Variants in ST13 observed in about 807,000 individuals in gnomAD.
ST13 encodes the protein ST13 Hsp70 interacting protein, also known as hsc70-interacting protein.
Under a neutral mutation model 56.7 loss-of-function variants are expected in ST13, and 23 were observed. The ratio of observed to expected loss-of-function variants is 0.41; its 90% CI spans 0.29 to 0.57. The LOEUF (loss-of-function observed/expected upper bound fraction) is 0.57, where lower values mean the gene tolerates loss of function less well. Ranked by LOEUF, ST13 falls within the 20% of genes least tolerant of loss-of-function variation. The pLI, the probability that ST13 is intolerant of heterozygous loss-of-function variation, is 0.36. For synonymous variants in ST13, 132 were observed against 142.4 expected, an observed-to-expected ratio of 0.93 and a Z score of 0.52; for missense variants, 369 against 459.9, an observed-to-expected ratio of 0.80 and a Z score of 1.81.
At chr22:40,829,473 A>T (rs1249356320) in intron 10 of ST13, among the ~76,000 whole-genome samples, 153 bp downstream of exon 10, 1 of 152,228 alleles carries the variant, frequency 6.6e-6, no homozygotes, top group Non-Finnish European at 1.5e-5. Context: ...TTTATGCCTA[A>T]TAATTCCATC....
At chr22:40,839,635 C>T (rs5758104) in intron 5 of ST13, among the ~76,000 whole-genome samples, 9,270 of 151,828 alleles carry the variant, frequency 0.061, 379 homozygotes, top group East Asian at 0.2. Flanking sequence ...GATGGTAGCA[C>T]ACGCCTGTAA....
chr22:40,840,518 C>G (rs1299166809), intron 5 of ST13, 108 bp downstream of exon 5: 8 of 906,538 alleles, frequency 8.8e-6, no homozygotes, highest in South Asian at 7.7e-5. Context: ...ACACTATCTT[C>G]TCCAGTATAG....
chr22:40,846,185 C>G (rs904536170), intron 3 of ST13, among the ~76,000 whole-genome samples: 2 of 152,198 alleles, frequency 1.3e-5, no homozygotes, highest in Admixed American at 1.3e-4. Flanking sequence ...GTCCACCCGC[C>G]TCAGCCTCCC....
In ST13 at chr22:40,829,592, G is replaced by C. The variant is rs1400770051; in HGVS notation, c.847+34C>G. 6.6e-6 allele frequency: 8 copies of C among 1,209,966 alleles called. No homozygotes were observed. The South Asian group carries it at 8.7e-5, about 13-fold the overall frequency. The allele number at this position is 1,209,966 out of a possible 1,614,324, so 75.0% of individuals were successfully genotyped here. A position where few individuals can be genotyped will look rare whatever the true frequency, so the allele number is the denominator to read the frequency against. On this transcript the variant is annotated intron_variant, in intron 10 of 11. Coordinates refer to ENST00000216218, the MANE Select transcript of ST13 (RefSeq NM_003932.5). ...TATATTAAAATATCACTGTATAATAGAACAAAACAGTTTTAACTTTTCTTT... is the reference window on the plus strand; with the variant it reads ...TATATTAAAATATCACTGTATAATACAACAAAACAGTTTTAACTTTTCTTT...
At chr22:40,850,227 AGACCTGGGT>A (rs2057854466) in intron 2 of ST13, among the ~76,000 whole-genome samples, 1 of 152,364 alleles carries the variant, frequency 6.6e-6, no homozygotes, top group African/African-American at 2.4e-5. Flanking sequence ...CAGTGCACTC[AGACCTGGGT>A]GACACAGTGA....
chr22:40,829,744 G>T, intron 9 of ST13, 70 bp from the exon 10 acceptor site: 1 of 786,978 alleles, frequency 1.3e-6, no homozygotes. Flanking sequence ...ACCTGTCCAT[G>T]CAAGACCATG....
chr22:40,852,592 G>A (rs998485952), intron 1 of ST13, among the ~76,000 whole-genome samples: 3 of 152,166 alleles, frequency 2.0e-5, no homozygotes, highest in Middle Eastern at 3.2e-3. Context: ...CCATTCAAAC[G>A]AAGAAAATGT....
chr22:40,826,374 A>G lies in ST13; in HGVS notation c.*164T>C. The G allele has an allele frequency of 5.6e-6, 3 of 538,266 alleles. No homozygotes were observed. The highest frequency in any genetic ancestry group is 9.6e-6 in the Non-Finnish European group (3 of 313,090). The allele number at this position is 538,266 out of a possible 1,614,324, so 33.3% of individuals were successfully genotyped here. On this transcript the variant is annotated 3_prime_UTR_variant, in exon 12 of 12. Coordinates refer to ENST00000216218, the MANE Select transcript of ST13 (RefSeq NM_003932.5). ...ATACCCTAATGGCAAACCACTGTAA[A>G]ATGCTTCAGCTGCATTTGGGGGAGA...
At position 40,832,528 on chromosome 22, in the gene ST13, G is replaced by T. The variant is rs772189112; in HGVS notation, c.681+41C>A. On this transcript the variant is annotated intron_variant, in intron 8 of 11. Coordinates refer to ENST00000216218, the MANE Select transcript of ST13 (RefSeq NM_003932.5). Reference sequence around the variant, plus strand: ...GGGGGCTAAGCACTACAGCGATGGAGTATTTAACTAATGACTTTCCCTTTC... The same window carrying T: ...GGGGGCTAAGCACTACAGCGATGGATTATTTAACTAATGACTTTCCCTTTC... 26 of 1,430,400 alleles carry T rather than the reference G, an allele frequency of 1.8e-5. No homozygotes were observed. The South Asian group carries it at 1.8e-4, about 10-fold the overall frequency. 88.6% of individuals were successfully genotyped at this position (1,430,400 alleles called of 1,614,324 possible). A position where few individuals can be genotyped will look rare whatever the true frequency, so the allele number is the denominator to read the frequency against.
rs1316010498 is a variant in ST13 at position 40,835,563 on chromosome 22, T to C, written c.575A>G (p.His192Arg). ...ATAATTAAATTCAATTATTTACCTG[T>C]GTGCTTTCCCCCGCCACTTGTAAGG... ...AQPYKWRGKA[H>R]RLLGHWEEAA... The change falls in exon 7 of 12, where the codon CAC becomes CGC. Residue 192 changes from histidine to arginine, a missense_variant. This residue lies in a region of ST13 where 64 missense variants were observed against 125.1 expected (regional missense o/e 0.51). Transcript: ENST00000216218. 6 of 1,607,220 alleles carry C rather than the reference T, an allele frequency of 3.7e-6. No individual in the cohort carries two copies. In the South Asian group the frequency reaches 6.6e-5, roughly 18 times the overall value.
Position 40,840,709 on chromosome 22 carries a change from AAT to A in ST13, c.316-19_316-18del, listed in dbSNP as rs1163161986. ...CTCCGTTATCTAGGAAGAAAATAAA[AAT>A]CATCTTAGAATTAGTAGAGAGAGAG... is the stretch of plus-strand genomic sequence containing the variant. On this transcript the variant is annotated intron_variant, in intron 4 of 11. Coordinates refer to ENST00000216218, the MANE Select transcript of ST13 (RefSeq NM_003932.5). The A allele has an allele frequency of 6.2e-7, 1 of 1,602,416 alleles. No homozygotes were observed. Among genetic ancestry groups the A allele is most frequent in the Non-Finnish European group, 8.5e-7 (1 of 1,174,614 alleles).
At chr22:40,838,681 G>A (rs937965192) in intron 5 of ST13, among the ~76,000 whole-genome samples, 2 of 152,032 alleles carry the variant, frequency 1.3e-5, no homozygotes. Flanking sequence ...GATTGCTTGA[G>A]CCTACAAAAC....
intron 3 of ST13, among the ~76,000 whole-genome samples, chr22:40,848,055 A>G (rs1160686579): frequency 1.3e-5 from 2 of 152,092 alleles, no homozygotes; most frequent in Non-Finnish European, 2.9e-5. Context: ...CTCAAAAAGA[A>G]CAAAAAAACA....
At chr22:40,854,806 A>G (rs1358514476) in intron 1 of ST13, among the ~76,000 whole-genome samples, 2 of 152,234 alleles carry the variant, frequency 1.3e-5, no homozygotes, top group African/African-American at 4.8e-5. Flanking sequence ...AAAAGCATAC[A>G]AATATCTTAA....
chr22:40,827,829 TA>T (rs1156822885), intron 10 of ST13, among the ~76,000 whole-genome samples: 1 of 152,088 alleles, frequency 6.6e-6, no homozygotes, highest in African/African-American at 2.4e-5. Context: ...ATAACACTGT[TA>T]AAAAAGACTA....
chr22:40,832,336 T>A, intron 8 of ST13: 1 of 530,736 alleles, frequency 1.9e-6, no homozygotes, highest in Non-Finnish European at 3.5e-6. Context: ...ATAATTCCAC[T>A]GCAGGCTTCC....
At chr22:40,853,247 G>A (rs2057870697) in intron 1 of ST13, among the ~76,000 whole-genome samples, 1 of 152,104 alleles carries the variant, frequency 6.6e-6, no homozygotes, top group South Asian at 2.1e-4. Flanking sequence ...CACACTCACT[G>A]GTGTTGGGGT....
rs141748994 is a variant in ST13 at position 40,843,605 on chromosome 22, A to G, written c.315+1234T>C. On this transcript the variant is annotated intron_variant, in intron 4 of 11. Transcript: ENST00000216218. The stretch of plus-strand genomic sequence containing the variant: ...GAAAAAGCAATGCACTACAGCAATT[A>G]TAACCTCAAAGTAATAAAGCAGAAA... 2.7e-3 allele frequency among the ~76,000 whole-genome samples: 406 copies of G among 152,344 alleles called. 1 individual carries two copies. Among genetic ancestry groups the G allele is most frequent in the Middle Eastern group, 6.8e-3 (2 of 294 alleles).
intron 5 of ST13, among the ~76,000 whole-genome samples, chr22:40,837,183 TGAAAA>T (rs1357068621): frequency 6.6e-6 from 1 of 152,202 alleles, no homozygotes; most frequent in Non-Finnish European, 1.5e-5. Flanking sequence ...GTAAAGGACT[TGAAAA>T]GAACTCACAA....
Sources: allele counts gnomAD v4.1 joint callset (sites outside exome capture counted in the v4.1 genomes callset), GRCh38; gene constraint gnomAD v4.1.1; regional missense constraint gnomAD v4.1.1; transcripts MANE v1.5; gene names NCBI Gene and HGNC (gene_info 2026-07-23, HGNC 2026-07-21).